The following RIMS2 variants were observed in gnomAD, a reference collection of about 807,000 sequenced individuals.
RIMS2 encodes the protein regulating synaptic membrane exocytosis protein 2.
RIMS2 carries 59 observed loss-of-function variants against 174.4 expected under a neutral mutation model. That is an observed-to-expected ratio of 0.34 (90% confidence interval 0.27 to 0.42). The LOEUF is 0.42. RIMS2 is among the 10% of genes least tolerant of loss of function. The pLI, the probability that RIMS2 is intolerant of heterozygous loss-of-function variation, is 1.00. For synonymous variants in RIMS2, 606 were observed against 572.5 expected (o/e 1.06, Z -0.84); for missense variants, 1,620 against 1,666.3 (o/e 0.97, Z 0.48).
At chr8:103,782,339 G>A (rs1343473685) in intron 3 of RIMS2, among the ~76,000 whole-genome samples, 1 of 151,604 alleles carries the variant, frequency 6.6e-6, no homozygotes, top group Non-Finnish European at 1.5e-5. Flanking sequence ...TAATTTTAGT[G>A]TATGTGTCAT....
chr8:103,546,608 C>G (rs1845232843), intron 1 of RIMS2, among the ~76,000 whole-genome samples: 2 of 152,190 alleles, frequency 1.3e-5, no homozygotes, highest in African/African-American at 4.8e-5. Context: ...GCCACATACT[C>G]TAAAATTGAC....
At chr8:103,770,771 A>G (rs912362925) in intron 3 of RIMS2, among the ~76,000 whole-genome samples, 1 of 151,836 alleles carries the variant, frequency 6.6e-6, no homozygotes, top group Non-Finnish European at 1.5e-5. Context: ...GCCAGCTTCT[A>G]TCCTTCTCTT....
intron 2 of RIMS2, among the ~76,000 whole-genome samples, chr8:103,728,266 G>A (rs2097547569): frequency 2.6e-5 from 4 of 152,024 alleles, no homozygotes; most frequent in African/African-American, 7.2e-5. Flanking sequence ...AAATGCTACT[G>A]ATTTTTGTAT....
intron 19 of RIMS2, among the ~76,000 whole-genome samples, chr8:104,102,216 T>G (rs758372303): frequency 6.6e-6 from 1 of 152,136 alleles, no homozygotes; most frequent in Non-Finnish European, 1.5e-5. Context: ...AAAATTAAAT[T>G]CATTATACCC....
At chr8:104,082,505 T>C (rs2097441917) in intron 19 of RIMS2, among the ~76,000 whole-genome samples, 1 of 152,132 alleles carries the variant, frequency 6.6e-6, no homozygotes, top group African/African-American at 2.4e-5. Context: ...TTAAACAAAG[T>C]TATGGCGTTA....
At chr8:104,067,832 A>G (rs2097131146) in intron 19 of RIMS2, among the ~76,000 whole-genome samples, 1 of 152,206 alleles carries the variant, frequency 6.6e-6, no homozygotes, top group African/African-American at 2.4e-5. Context: ...TGTAGAGGGC[A>G]TTAATGTCTT....
intron 11 of RIMS2, among the ~76,000 whole-genome samples, chr8:103,930,116 ATAATT>A (rs1374184525): frequency 7.2e-5 from 11 of 152,028 alleles, no homozygotes; most frequent in African/African-American, 2.7e-4. Flanking sequence ...ATTGGTAACT[ATAATT>A]TAAATAATTT....
chr8:103,662,714 CTA>C (rs1273006394), intron 1 of RIMS2, among the ~76,000 whole-genome samples: 1 of 144,140 alleles, frequency 6.9e-6, no homozygotes, highest in East Asian at 2.1e-4. Flanking sequence ...ATCTATCTAT[CTA>C]TCTATAGTCT....
intron 17 of RIMS2, among the ~76,000 whole-genome samples, chr8:103,994,283 C>T (rs2094927893): frequency 2.6e-5 from 4 of 152,002 alleles, no homozygotes; most frequent in Admixed American, 2.0e-4. Context: ...GCTTAAGAAT[C>T]AAAGTGTCTA....
chr8:103,696,259 T>C (rs372890725), intron 1 of RIMS2, among the ~76,000 whole-genome samples: 135 of 152,272 alleles, frequency 8.9e-4, no homozygotes, highest in African/African-American at 3.1e-3. Flanking sequence ...GAATTCTTCA[T>C]TTTTAATAGC....
rs1564111957 is a variant in RIMS2 at position 103,636,802 on chromosome 8, ACAC to A, written c.177-60283_177-60281del. On this transcript the variant is annotated intron_variant, in intron 1 of 23. Coordinates refer to ENST00000504942, the Ensembl canonical transcript of RIMS2. ...CCCACCCCCGCACCCCCCCCCCCCC[ACAC>A]ACACACACATACCAATCTGCGTTTT... 1.1e-3 allele frequency among the ~76,000 whole-genome samples: 12 copies of A among 10,494 alleles called. 1 individual carries two copies. Among genetic ancestry groups the A allele is most frequent in the Non-Finnish European group, 2.3e-3 (12 of 5,120 alleles). The allele number at this position is 10,494 out of a possible 152,430, so 6.9% of individuals were successfully genotyped here. A position where few individuals can be genotyped will look rare whatever the true frequency, so the allele number is the denominator to read the frequency against.
chr8:104,200,007 C>G (rs149307231), intron 19 of RIMS2, among the ~76,000 whole-genome samples: 2 of 152,174 alleles, frequency 1.3e-5, no homozygotes, highest in African/African-American at 2.4e-5. Flanking sequence ...GACTAGAAAC[C>G]CTGTCATGAT....
chr8:104,129,649 G>A (rs2098458935), intron 19 of RIMS2, among the ~76,000 whole-genome samples: 1 of 152,208 alleles, frequency 6.6e-6, no homozygotes, highest in Admixed American at 6.5e-5. Context: ...GAAACATACA[G>A]ATGGGCAGAT....
intron 3 of RIMS2, among the ~76,000 whole-genome samples, chr8:103,777,891 T>C (rs1413638308): frequency 6.6e-6 from 1 of 151,902 alleles, no homozygotes; most frequent in African/African-American, 2.4e-5. Context: ...ATAAACTGGG[T>C]ACAAAATTGG....
chr8:104,236,066 A>T (rs1563926342), intron 19 of RIMS2, among the ~76,000 whole-genome samples: 1 of 146,570 alleles, frequency 6.8e-6, no homozygotes, highest in African/African-American at 2.5e-5. Context: ...AACATTCTGG[A>T]TTTTTTTTTT....
chr8:103,748,141 C>G (rs1033832410), intron 2 of RIMS2, among the ~76,000 whole-genome samples: 3 of 151,960 alleles, frequency 2.0e-5, no homozygotes, highest in Admixed American at 1.3e-4. Flanking sequence ...GTTCATTAAC[C>G]TTAAAGTTTT....
At chr8:103,871,463 A>G (rs1184490373) in intron 3 of RIMS2, among the ~76,000 whole-genome samples, 1 of 152,082 alleles carries the variant, frequency 6.6e-6, no homozygotes, top group East Asian at 1.9e-4. Flanking sequence ...TTTTTTGTGG[A>G]TACAAATGTG....
chr8:103,996,014 G>A (rs1306446436), intron 17 of RIMS2, among the ~76,000 whole-genome samples: 1 of 151,880 alleles, frequency 6.6e-6, no homozygotes, highest in Non-Finnish European at 1.5e-5. Flanking sequence ...CTTACTTGAA[G>A]CTGGAATTGC....
chr8:103,831,747 A>C (rs1350215784), intron 3 of RIMS2, among the ~76,000 whole-genome samples: 1 of 152,154 alleles, frequency 6.6e-6, no homozygotes, highest in South Asian at 2.1e-4. Context: ...TCATTATACC[A>C]TTAAGGAAAG....
Sources: allele counts gnomAD v4.1 joint callset (sites outside exome capture counted in the v4.1 genomes callset), GRCh38; gene constraint gnomAD v4.1.1; transcripts MANE v1.5; gene names NCBI Gene and HGNC (gene_info 2026-07-23, HGNC 2026-07-21).